The following TAF4 variants were observed in gnomAD, a reference collection of about 807,000 sequenced individuals.
TAF4 encodes transcription initiation factor TFIID subunit 4.
In TAF4, 9 loss-of-function variants were observed where a neutral mutation model predicts 90.3. That is an observed-to-expected ratio of 0.10 (90% CI 0.06 to 0.17). TAF4 has a LOEUF of 0.17. Ranked by LOEUF, TAF4 falls within the 10% of genes least tolerant of loss-of-function variation. TAF4 has a pLI of 1.00. For missense variants in TAF4, 1,351 were observed against 1,370.7 expected (o/e 0.99, Z 0.23); for synonymous variants, 818 against 638.9 (o/e 1.28, Z -4.23).
chr20:61,976,644 G>A (rs1219869985), intron 14 of TAF4, among the ~76,000 whole-genome samples: 1 of 152,248 alleles, frequency 6.6e-6, no homozygotes, highest in Non-Finnish European at 1.5e-5. Flanking sequence ...CAAGGCAAAT[G>A]GCTGAGCGGC....
chr20:62,014,008 G>A (rs1302111352), intron 2 of TAF4, among the ~76,000 whole-genome samples: 3 of 140,734 alleles, frequency 2.1e-5, no homozygotes, highest in Non-Finnish European at 4.5e-5. Context: ...GAAGGCTGAC[G>A]CGGGGGTGTG....
chr20:61,976,695 T>C (rs2055496856), intron 14 of TAF4, among the ~76,000 whole-genome samples: 1 of 152,228 alleles, frequency 6.6e-6, no homozygotes, highest in African/African-American at 2.4e-5. Flanking sequence ...GGACTGCCTG[T>C]GGACTCAGCT....
rs1330584594 is a variant in TAF4, at chr20:62,000,718, G to A, written c.2490C>T (p.Asp830=). 10 of 1,613,970 alleles carry A rather than the reference G, an allele frequency of 6.2e-6. No individual in the cohort carries two copies. The highest frequency in any genetic ancestry group is 1.6e-4 in the Middle Eastern group (1 of 6,084). ...LKEPGGGSFR[D]DDDINDVASM... ...ATGCAACATCATTAATGTCATCATC[G>A]TCCCTTGAGGAAAGAAGGGAAGATC... Residue 830 remains aspartate (D), a synonymous_variant, in exon 10 of 15, where the codon GAC becomes GAT. Transcript: ENST00000252996.
rs140053073 is a variant in TAF4, at chr20:62,003,839, G to A, written c.2263C>T (p.Pro755Ser). Reference sequence around the variant, plus strand: ...GTCTGCGTCAACGTCACCTGCGGGGGCCGGATCAGGGCTCCTGGCTTCGGA... The same window carrying A: ...GTCTGCGTCAACGTCACCTGCGGGGACCGGATCAGGGCTCCTGGCTTCGGA... ...QPPKPGALIR[P>S]PQVTLTQTPM... The change falls in exon 8 of 15, where the codon CCC (proline) becomes TCC (serine). Residue 755 changes from proline to serine, a missense_variant. By Grantham distance (74) the Pro-to-Ser change is moderately conservative. Transcript: ENST00000252996. The A allele has an allele frequency of 2.5e-6, 4 of 1,597,104 alleles. No homozygotes were observed. Among genetic ancestry groups the A allele is most frequent in the Non-Finnish European group, 2.6e-6 (3 of 1,173,604 alleles).
chr20:62,018,924 C>G (rs2055827697), intron 1 of TAF4, among the ~76,000 whole-genome samples: 1 of 152,158 alleles, frequency 6.6e-6, no homozygotes, highest in Admixed American at 6.5e-5. Flanking sequence ...GGCCTGGGAC[C>G]CTGCCTCCTG....
intron 14 of TAF4, 127 bp downstream of exon 14, chr20:61,997,423 A>C: frequency 8.3e-7 from 1 of 1,202,648 alleles, no homozygotes; most frequent in African/African-American, 1.6e-5. Flanking sequence ...TACTCCAGAA[A>C]AGGTGAGACA....
At chr20:62,005,408 C>T (rs541110121) in intron 7 of TAF4, 1 of 152,266 alleles carries the variant, frequency 6.6e-6, no homozygotes, top group African/African-American at 2.4e-5. Context: ...CTAAAAACAC[C>T]CATGCTGCTT....
At chr20:62,017,017 T>G (rs996267409) in intron 1 of TAF4, among the ~76,000 whole-genome samples, 30 of 151,968 alleles carry the variant, frequency 2.0e-4, no homozygotes, top group Non-Finnish European at 3.4e-4. Flanking sequence ...GTGGCACACC[T>G]GTAGTTCCAG....
chr20:62,055,525 T>C (rs1487566642), intron 1 of TAF4, among the ~76,000 whole-genome samples: 1 of 152,164 alleles, frequency 6.6e-6, no homozygotes, highest in African/African-American at 2.4e-5. Flanking sequence ...AGCCCTGCAA[T>C]ATAACCAATT....
chr20:61,990,361 G>A (rs1247890140), intron 14 of TAF4, among the ~76,000 whole-genome samples: 2 of 152,312 alleles, frequency 1.3e-5, no homozygotes, highest in Non-Finnish European at 2.9e-5. Context: ...AATTTTCAAA[G>A]TTAATGTATT....
intron 14 of TAF4, among the ~76,000 whole-genome samples, chr20:61,991,320 C>G (rs1449970045): frequency 1.3e-5 from 2 of 151,764 alleles, no homozygotes; most frequent in African/African-American, 2.4e-5. Context: ...ACTCAGGAGG[C>G]TGAGGCAGAA....
At chr20:62,062,791 G>A (rs1038543087) in intron 1 of TAF4, among the ~76,000 whole-genome samples, 2 of 152,164 alleles carry the variant, frequency 1.3e-5, no homozygotes, top group Non-Finnish European at 2.9e-5. Flanking sequence ...AGAGACAGAT[G>A]AGGCTTTACC....
intron 11 of TAF4, 111 bp downstream of exon 11, chr20:62,000,013 A>T (rs2063923144): frequency 7.4e-7 from 1 of 1,347,214 alleles, no homozygotes; most frequent in East Asian, 2.3e-5. Context: ...AGGAACATGG[A>T]GGCACTTGGG....
chr20:61,986,047 T>C (rs1329816037), intron 14 of TAF4, among the ~76,000 whole-genome samples: 58 of 57,048 alleles, frequency 1.0e-3, no homozygotes, highest in South Asian at 1.7e-3. Flanking sequence ...CCATCCCCCA[T>C]CAAAGGAAAC....
intron 1 of TAF4, among the ~76,000 whole-genome samples, chr20:62,025,449 T>A (rs1377969385): frequency 1.3e-5 from 2 of 152,164 alleles, no homozygotes; most frequent in African/African-American, 2.4e-5. Context: ...TGGCTCCGTG[T>A]CCCCACCAAA....
intron 10 of TAF4, 80 bp downstream of exon 10, chr20:62,000,472 T>A (rs1320364098): frequency 1.1e-5 from 16 of 1,489,770 alleles, no homozygotes; most frequent in African/African-American, 1.4e-5. Flanking sequence ...TGACCAGGTG[T>A]CAGGTGTGCT....
Position 62,007,447 on chromosome 20 carries a change from C to T in TAF4, c.1974+100G>A, listed in dbSNP as rs539548834. 3.5e-6 allele frequency: 4 copies of T among 1,136,334 alleles called. No individual in the cohort carries two copies. The African/African-American group carries it at 6.2e-5, about 18-fold the overall frequency. The allele number at this position is 1,136,334 out of a possible 1,614,324, so 70.4% of individuals were successfully genotyped here. ...CGTAGGCAGCACAAGCGCTGTGCAC[C>T]CTCCGTGCCTGGAGCATCCTCGCCC... is the stretch of plus-strand genomic sequence containing the variant. On this transcript the variant is annotated intron_variant, in intron 6 of 14. Coordinates refer to ENST00000252996, the MANE Select transcript of TAF4 (RefSeq NM_003185.4).
At chr20:62,027,416 G>A (rs1165741557) in intron 1 of TAF4, among the ~76,000 whole-genome samples, 2 of 152,150 alleles carry the variant, frequency 1.3e-5, no homozygotes, top group Non-Finnish European at 2.9e-5. Flanking sequence ...TTGTGATTTA[G>A]TCATTCCCTA....
intron 1 of TAF4, among the ~76,000 whole-genome samples, chr20:62,015,248 A>C (rs1461007802): frequency 6.6e-6 from 1 of 152,158 alleles, no homozygotes; most frequent in Non-Finnish European, 1.5e-5. Flanking sequence ...CTGCCCCCAC[A>C]CTGCCCTGAC....
Sources: gnomAD v4.1 joint callset for allele counts (sites outside exome capture counted in the v4.1 genomes callset) on GRCh38, gnomAD v4.1.1 for gene constraint, MANE v1.5 for transcripts, NCBI Gene and HGNC (gene_info 2026-07-23, HGNC 2026-07-21) for gene names.